Variants in CNTNAP5 observed in about 807,000 individuals in gnomAD.
CNTNAP5 encodes contactin associated protein family member 5, also known as contactin-associated protein-like 5.
Under a neutral mutation model 150.2 loss-of-function variants are expected in CNTNAP5, and 72 were observed. The observed-to-expected ratio is 0.48, with a 90% CI of 0.40 to 0.58. The LOEUF is 0.58. Among genes scored for constraint, CNTNAP5 ranks in the 20% least tolerant of loss-of-function variants. CNTNAP5 has a pLI of 0.00. For synonymous variants in CNTNAP5, 672 were observed against 619.8 expected (o/e 1.08, Z -1.25); for missense variants, 1,636 against 1,626.2 (o/e 1.01, Z -0.10).
intron 17 of CNTNAP5, among the ~76,000 whole-genome samples, chr2:124,780,742 C>G (rs1042768969): frequency 6.6e-6 from 1 of 152,146 alleles, no homozygotes; most frequent in South Asian, 2.1e-4. Context: ...GAAATGGGAC[C>G]TTTACTTGTG....
chr2:124,599,024 C>G (rs1290191832), intron 11 of CNTNAP5, among the ~76,000 whole-genome samples: 31 of 152,094 alleles, frequency 2.0e-4, no homozygotes, highest in Admixed American at 1.8e-3. Context: ...CGCACACCCA[C>G]TGGCCTGCGC....
intron 3 of CNTNAP5, among the ~76,000 whole-genome samples, chr2:124,405,639 A>G (rs2565752): frequency 0.96 from 146,230 of 152,338 alleles, 70,244 homozygotes; most frequent in East Asian, 1. Context: ...TCACAAGAAT[A>G]CTGTGATCAA....
chr2:124,384,907 G>A (rs1275222874), intron 3 of CNTNAP5, among the ~76,000 whole-genome samples: 3 of 152,096 alleles, frequency 2.0e-5, no homozygotes, highest in Non-Finnish European at 4.4e-5. Context: ...TTCCACTCCT[G>A]ACAAGTGAGA....
chr2:124,425,471 T>C (rs918330863), intron 4 of CNTNAP5, among the ~76,000 whole-genome samples: 21 of 152,290 alleles, frequency 1.4e-4, no homozygotes, highest in African/African-American at 5.1e-4. Context: ...GGGTTGATCA[T>C]TCCTTTCCTT....
At chr2:124,398,428 G>A (rs1257582100) in intron 3 of CNTNAP5, among the ~76,000 whole-genome samples, 1 of 152,096 alleles carries the variant, frequency 6.6e-6, no homozygotes, top group Non-Finnish European at 1.5e-5. Flanking sequence ...AGAAAAAGCA[G>A]GAGATAATTT....
chr2:124,560,005 G>C (rs1477307579), intron 10 of CNTNAP5, among the ~76,000 whole-genome samples: 1 of 152,046 alleles, frequency 6.6e-6, no homozygotes, highest in Non-Finnish European at 1.5e-5. Context: ...TGGCTTTTCT[G>C]AGTGACCATA....
chr2:124,854,176 T>C (rs941038761), intron 19 of CNTNAP5, among the ~76,000 whole-genome samples: 5 of 152,192 alleles, frequency 3.3e-5, no homozygotes, highest in Admixed American at 3.3e-4. Context: ...TCACAAAACA[T>C]GTATTCCGTA....
rs1422398172 is a variant in CNTNAP5 at position 124,434,564 on chromosome 2, G to A, written c.610G>A (p.Val204Met). 3 of 1,613,976 alleles carry A rather than the reference G, an allele frequency of 1.9e-6. No homozygotes were observed. The highest frequency in any genetic ancestry group is 2.2e-5 in the East Asian group (1 of 44,872). Reference sequence around the variant, plus strand: ...GAAGTTGATGAGTACTCTCAAAGATGTGATCTCCCTGAAGTTCAAGAGCAT... The same window carrying A: ...GAAGTTGATGAGTACTCTCAAAGATATGATCTCCCTGAAGTTCAAGAGCAT... ...NQKLMSTLKD[V>M]ISLKFKSMQG... The change falls in exon 5 of 24, where the codon GTG (valine) becomes ATG (methionine). Residue 204 changes from valine (V) to methionine (M), a missense_variant. By Grantham distance (21) the Val-to-Met change is conservative (BLOSUM62 1). Transcript: ENST00000682447.
intron 13 of CNTNAP5, among the ~76,000 whole-genome samples, chr2:124,703,778 T>C (rs187543183): frequency 4.3e-4 from 66 of 152,192 alleles, no homozygotes; most frequent in African/African-American, 1.6e-3. Context: ...ACGATAATCA[T>C]AGAAGGTCAA....
chr2:124,452,350 G>A (rs898577697), intron 6 of CNTNAP5, among the ~76,000 whole-genome samples: 12 of 151,990 alleles, frequency 7.9e-5, no homozygotes, highest in African/African-American at 2.9e-4. Flanking sequence ...CATTGACCTG[G>A]GAACCTCACC....
chr2:124,364,366 G>A (rs1198267078), intron 3 of CNTNAP5, among the ~76,000 whole-genome samples: 3 of 151,758 alleles, frequency 2.0e-5, no homozygotes, highest in Non-Finnish European at 4.4e-5. Flanking sequence ...CCTCTTTAAC[G>A]TTGCAACCTG....
At chr2:124,843,502 A>G (rs577623152) in intron 19 of CNTNAP5, among the ~76,000 whole-genome samples, 1 of 152,058 alleles carries the variant, frequency 6.6e-6, no homozygotes, top group African/African-American at 2.4e-5. Flanking sequence ...TTTTTCATAT[A>G]ATGAATTCTT....
At chr2:124,395,860 G>A (rs1691229379) in intron 3 of CNTNAP5, among the ~76,000 whole-genome samples, 1 of 152,062 alleles carries the variant, frequency 6.6e-6, no homozygotes, top group Admixed American at 6.6e-5. Flanking sequence ...TTAAAGTTGG[G>A]CAAATGCTAG....
chr2:124,275,400 A>G (rs1432977979), intron 3 of CNTNAP5, among the ~76,000 whole-genome samples: 1 of 152,138 alleles, frequency 6.6e-6, no homozygotes, highest in African/African-American at 2.4e-5. Flanking sequence ...ACTCTGTCCA[A>G]TCAGCTACAG....
intron 1 of CNTNAP5, among the ~76,000 whole-genome samples, chr2:124,112,330 T>G (rs1213638901): frequency 6.6e-6 from 1 of 152,160 alleles, no homozygotes; most frequent in Admixed American, 6.5e-5. Flanking sequence ...ACACCTAAAA[T>G]ATGGCTCTAG....
intron 6 of CNTNAP5, among the ~76,000 whole-genome samples, chr2:124,474,098 T>C (rs1157110941): frequency 6.6e-6 from 1 of 152,046 alleles, no homozygotes; most frequent in Non-Finnish European, 1.5e-5. Context: ...TCATACTTTA[T>C]ACCCAATTGT....
At chr2:124,829,545 T>C (rs1682669344) in intron 19 of CNTNAP5, among the ~76,000 whole-genome samples, 1 of 152,070 alleles carries the variant, frequency 6.6e-6, no homozygotes, top group Non-Finnish European at 1.5e-5. Flanking sequence ...ATACTAGAGA[T>C]TATACATAGT....
chr2:124,521,916 T>A (rs963450258), intron 8 of CNTNAP5, among the ~76,000 whole-genome samples: 2 of 152,156 alleles, frequency 1.3e-5, no homozygotes, highest in Non-Finnish European at 1.5e-5. Context: ...CCTGGTCTTG[T>A]CTGAGGACAA....
chr2:124,624,573 T>A (rs1360205815), intron 12 of CNTNAP5, among the ~76,000 whole-genome samples: 2 of 152,226 alleles, frequency 1.3e-5, no homozygotes, highest in Non-Finnish European at 2.9e-5. Flanking sequence ...AATTCAGAAA[T>A]TAAGTAATTC....
Sources: gnomAD v4.1 joint callset for allele counts (sites outside exome capture counted in the v4.1 genomes callset) on GRCh38, gnomAD v4.1.1 for gene constraint, MANE v1.5 for transcripts, NCBI Gene and HGNC (gene_info 2026-07-23, HGNC 2026-07-21) for gene names.